The following ZNF395 variants were observed in gnomAD, a reference collection of about 807,000 sequenced individuals.
The protein encoded by ZNF395 is zinc finger protein 395, also known as HD gene regulatory region-binding protein 2.
In ZNF395, 20 loss-of-function variants were observed where a neutral mutation model predicts 57.7. That is an observed-to-expected ratio of 0.35 (90% CI 0.24 to 0.50). The LOEUF (loss-of-function observed/expected upper bound fraction) is 0.50, where lower values mean the gene tolerates loss of function less well. Ranked by LOEUF, ZNF395 falls within the 20% of genes least tolerant of loss-of-function variation. The probability of loss-of-function intolerance (pLI) is 0.97; values close to 1 mark genes in which losing one functional copy is unlikely to be tolerated. For synonymous variants in ZNF395, 295 were observed against 275.9 expected (o/e 1.07, Z -0.69); for missense variants, 606 against 671.2 (o/e 0.90, Z 1.07).
chr8:28,372,779 C>A (rs1418621196), intron 1 of ZNF395, among the ~76,000 whole-genome samples: 2 of 152,204 alleles, frequency 1.3e-5, no homozygotes, highest in Admixed American at 1.3e-4. Flanking sequence ...GAGTGAGACC[C>A]TGTCTCAGGG....
At position 28,348,393 on chromosome 8, in the gene ZNF395, C is replaced by A. The variant is rs188954528; in HGVS notation, c.*326G>T. On this transcript the variant is annotated 3_prime_UTR_variant, in exon 10 of 10. Transcript: ENST00000344423. ...GAACGAGCTGTTCCTTCTTTTGACA[C>A]GCACAAGCTAATCCCCTAGAGAGTG... 1.8e-5 allele frequency: 5 copies of A among 278,574 alleles called. No homozygotes were observed. Among genetic ancestry groups the A allele is most frequent in the Non-Finnish European group, 3.5e-5 (5 of 143,652 alleles). 17.3% of individuals were successfully genotyped at this position (278,574 alleles called of 1,614,324 possible). A position where few individuals can be genotyped will look rare whatever the true frequency, so the allele number is the denominator to read the frequency against.
chr8:28,376,357 G>A (rs1008755711), intron 1 of ZNF395, among the ~76,000 whole-genome samples: 4 of 151,952 alleles, frequency 2.6e-5, no homozygotes, highest in Non-Finnish European at 5.9e-5. Context: ...CCGGGCTCAC[G>A]CCTGTTAATC....
At position 28,348,708 on chromosome 8, in the gene ZNF395, T is replaced by G; in HGVS notation, c.*11A>C. On this transcript the variant is annotated 3_prime_UTR_variant, in exon 10 of 10. Coordinates refer to ENST00000344423, the MANE Select transcript of ZNF395 (RefSeq NM_018660.3). ...GCAGGGCCAGGAACAGAGTAGAACC[T>G]GCAGCACAGCTCAGTCCAGAAAGCG... 2 of 1,612,982 alleles carry G rather than the reference T, an allele frequency of 1.2e-6. No individual in the cohort carries two copies. The highest frequency in any genetic ancestry group is 1.7e-6 in the Non-Finnish European group (2 of 1,179,160).
At chr8:28,350,933 T>C (rs982134455) in intron 7 of ZNF395, among the ~76,000 whole-genome samples, 2 of 152,236 alleles carry the variant, frequency 1.3e-5, no homozygotes, top group African/African-American at 2.4e-5. Flanking sequence ...TTGGTCCCTC[T>C]GGTACCTACA....
chr8:28,381,052 T>C (rs1802103412), intron 1 of ZNF395, among the ~76,000 whole-genome samples: 1 of 145,332 alleles, frequency 6.9e-6, no homozygotes, highest in Non-Finnish European at 1.5e-5. Flanking sequence ...TGTGTGTGTG[T>C]GTGTGTTTTG....
At position 28,348,648 on chromosome 8, in the gene ZNF395, C is replaced by G. The variant is rs1433024257; in HGVS notation, c.*71G>C. ...TTTCTCTTTCGGTTTCTGCTGAGGG[C>G]TGGTGACACACTGGCCTCTTGTCAG... is the stretch of plus-strand genomic sequence containing the variant. On this transcript the variant is annotated 3_prime_UTR_variant, in exon 10 of 10. Coordinates refer to ENST00000344423, the MANE Select transcript of ZNF395 (RefSeq NM_018660.3). The G allele has an allele frequency of 7.3e-7, 1 of 1,370,466 alleles. No homozygotes were observed. The highest frequency in any genetic ancestry group is 1.0e-6 in the Non-Finnish European group (1 of 959,306). The allele number at this position is 1,370,466 out of a possible 1,614,324, so 84.9% of individuals were successfully genotyped here.
At chr8:28,349,300 G>A in intron 8 of ZNF395, 72 bp from the exon 9 acceptor site, 3 of 1,246,046 alleles carry the variant, frequency 2.4e-6, no homozygotes, top group Non-Finnish European at 3.3e-6. Flanking sequence ...TAAAAGACAG[G>A]CAGCCACCCG....
Position 28,359,456 on chromosome 8 carries a change from G to GAAA in ZNF395, c.473+135_473+136insTTT. ...TTTTCTTAAAAGATTCCCCTTTTCT[G>GAAA]TGTCCCATTTGTCCCAATATCTTGG... On this transcript the variant is annotated intron_variant, in intron 3 of 9. Coordinates refer to ENST00000344423, the MANE Select transcript of ZNF395 (RefSeq NM_018660.3). This position sits in a 1 kb window ranked among gnomAD's most constrained non-coding sequence, Gnocchi z 4.7. 2 of 1,239,970 alleles carry GAAA rather than the reference G, an allele frequency of 1.6e-6. No individual in the cohort carries two copies. 76.8% of individuals were successfully genotyped at this position (1,239,970 alleles called of 1,614,324 possible).
rs1393561574 is a variant in ZNF395 at position 28,356,322 on chromosome 8, C to A, written c.583+348G>T. Among the ~76,000 whole-genome samples, 1 of 152,206 alleles carries A rather than the reference C, an allele frequency of 6.6e-6. No individual in the cohort carries two copies. Among genetic ancestry groups the A allele is most frequent in the African/African-American group, 2.4e-5 (1 of 41,446 alleles). On this transcript the variant is annotated intron_variant, in intron 4 of 9. Transcript: ENST00000344423. This position sits in a 1 kb window ranked among gnomAD's most constrained non-coding sequence, Gnocchi z 4.0. ...CACTAGGAGACCATTTAGCATATTG[C>A]TACTTTGTGAACTAAATATTCCTCT...
rs1384792924 is a variant in ZNF395, at chr8:28,346,305, T to C, written c.*2414A>G. On this transcript the variant is annotated 3_prime_UTR_variant, in exon 10 of 10. Coordinates refer to ENST00000344423, the MANE Select transcript of ZNF395 (RefSeq NM_018660.3). Reference sequence around the variant, plus strand: ...GGAGATACAAAGAAGAAAGTAGGCATGATCACTGGGTCGGTTCCCAAGCCA... The same window carrying C: ...GGAGATACAAAGAAGAAAGTAGGCACGATCACTGGGTCGGTTCCCAAGCCA... 1 of 151,942 alleles carries C rather than the reference T, an allele frequency of 6.6e-6. No homozygotes were observed. The highest frequency in any genetic ancestry group is 1.5e-5 in the Non-Finnish European group (1 of 68,014). The allele number at this position is 151,942 out of a possible 1,614,324, so 9.4% of individuals were successfully genotyped here.
chr8:28,362,104 AAG>A (rs1445980909), intron 1 of ZNF395, among the ~76,000 whole-genome samples: 1 of 151,868 alleles, frequency 6.6e-6, no homozygotes, highest in East Asian at 1.9e-4. Context: ...AAAAAAAAAA[AAG>A]AAAGAAAAAA....
intron 1 of ZNF395, among the ~76,000 whole-genome samples, chr8:28,367,709 G>A (rs1208059878): frequency 6.6e-6 from 1 of 152,124 alleles, no homozygotes; most frequent in East Asian, 1.9e-4. Context: ...GACACTCCTT[G>A]GCACATAGTG....
intron 1 of ZNF395, among the ~76,000 whole-genome samples, chr8:28,370,129 T>C (rs1187502283): frequency 6.6e-6 from 1 of 152,166 alleles, no homozygotes; most frequent in African/African-American, 2.4e-5. Context: ...GCCCATGAGT[T>C]AGATGAATAT....
chr8:28,381,958 C>A (rs1043828834), intron 1 of ZNF395, among the ~76,000 whole-genome samples: 2 of 152,178 alleles, frequency 1.3e-5, no homozygotes, highest in African/African-American at 4.8e-5. Context: ...TAAAACAAAT[C>A]CGGTGCACAG....
chr8:28,364,971 T>C (rs1278583916), intron 1 of ZNF395, among the ~76,000 whole-genome samples: 1 of 152,194 alleles, frequency 6.6e-6, no homozygotes, highest in African/African-American at 2.4e-5. Flanking sequence ...AAGACCTTTA[T>C]ACACATATTG....
At chr8:28,383,615 G>C (rs1226630899) in intron 1 of ZNF395, among the ~76,000 whole-genome samples, 1 of 152,112 alleles carries the variant, frequency 6.6e-6, no homozygotes, top group African/African-American at 2.4e-5. Flanking sequence ...TTCAGGTTCA[G>C]AACCGAGCAA....
chr8:28,384,450 A>G (rs1017356244), intron 1 of ZNF395, among the ~76,000 whole-genome samples: 5 of 152,032 alleles, frequency 3.3e-5, no homozygotes, highest in African/African-American at 1.2e-4. Context: ...TCTGACTCCA[A>G]CAGAACTATT....
Position 28,349,231 on chromosome 8 carries a change from G to A in ZNF395, c.1327-3C>T, listed in dbSNP as rs754910046. 10 of 1,531,986 alleles carry A rather than the reference G, an allele frequency of 6.5e-6. No homozygotes were observed. The highest frequency in any genetic ancestry group is 1.8e-4 in the Middle Eastern group (1 of 5,696). 94.9% of individuals were successfully genotyped at this position (1,531,986 alleles called of 1,614,324 possible). A position where few individuals can be genotyped will look rare whatever the true frequency, so the allele number is the denominator to read the frequency against. On this transcript the variant is annotated splice_region_variant and splice_polypyrimidine_tract_variant and intron_variant, in intron 8 of 9. Transcript: ENST00000344423. ...AAGCTTAGCGACCGGCTCCGGACCT[G>A]GGCGTGGGGAGAGGGGCTGTGAGCA... is the stretch of plus-strand genomic sequence containing the variant.
chr8:28,356,876 A>C lies in ZNF395; in HGVS notation c.474-97T>G. 1.1e-6 allele frequency: 1 copy of C among 935,696 alleles called. No homozygotes were observed. Among genetic ancestry groups the C allele is most frequent in the Non-Finnish European group, 1.6e-6 (1 of 608,810 alleles). The allele number at this position is 935,696 out of a possible 1,614,324, so 58.0% of individuals were successfully genotyped here. Reference sequence around the variant, plus strand: ...CACCACTTCTGGCTGGTTTCACACAATCATCTTACACTTCTGGACTGTCCC... The same window carrying C: ...CACCACTTCTGGCTGGTTTCACACACTCATCTTACACTTCTGGACTGTCCC... On this transcript the variant is annotated intron_variant, in intron 3 of 9. Transcript: ENST00000344423. The surrounding 1 kb of genome is among the most constrained non-coding windows in gnomAD (Gnocchi z 4.0).
Sources: gnomAD v4.1 joint callset for allele counts (sites outside exome capture counted in the v4.1 genomes callset) on GRCh38, gnomAD v4.1.1 for gene constraint, Gnocchi (gnomAD v3.1) non-coding constraint, MANE v1.5 for transcripts, NCBI Gene and HGNC (gene_info 2026-07-23, HGNC 2026-07-21) for gene names.